NAV2: variants seen among roughly 807,000 people sequenced by gnomAD.
NAV2 encodes helicase, APC down-regulated 1.
NAV2 carries 54 observed loss-of-function variants against 223.2 expected under a neutral mutation model. That is an observed-to-expected ratio of 0.24 (90% CI 0.19 to 0.30). NAV2 has a LOEUF of 0.30. Ranked by LOEUF, NAV2 falls within the 10% of genes least tolerant of loss-of-function variation. NAV2 has a pLI of 1.00. For synonymous variants in NAV2, 1,279 were observed against 1,239.3 expected, an observed-to-expected ratio of 1.03 and a Z score of -0.67; for missense variants, 2,806 against 3,147.5, an observed-to-expected ratio of 0.89 and a Z score of 2.60.
chr11:19,910,719 G>A (rs777015770), intron 6 of NAV2, among the ~76,000 whole-genome samples: 9 of 152,112 alleles, frequency 5.9e-5, no homozygotes, highest in African/African-American at 9.7e-5. Context: ...TTAGCCAGGC[G>A]TGGTGGTATG....
chr11:19,482,824 G>T (rs1414631601), intron 1 of NAV2, among the ~76,000 whole-genome samples: 2 of 152,188 alleles, frequency 1.3e-5, no homozygotes, highest in Non-Finnish European at 2.9e-5. Context: ...ATCAATTTCA[G>T]CCTTTCCCTA....
At chr11:19,483,327 A>AT (rs1458823113) in intron 1 of NAV2, among the ~76,000 whole-genome samples, 7 of 152,078 alleles carry the variant, frequency 4.6e-5, no homozygotes, top group African/African-American at 9.7e-5. Flanking sequence ...TTCCCAGTGT[A>AT]TTTTTTCTGT....
intron 1 of NAV2, among the ~76,000 whole-genome samples, chr11:19,722,514 C>T (rs1432727223): frequency 5.3e-5 from 8 of 152,102 alleles, no homozygotes. Flanking sequence ...AGTGTATCTT[C>T]TATGTGTTCC....
intron 1 of NAV2, among the ~76,000 whole-genome samples, chr11:19,457,158 G>A (rs1851984822): frequency 6.6e-6 from 1 of 152,174 alleles, no homozygotes; most frequent in Non-Finnish European, 1.5e-5. Flanking sequence ...ACTCTAAATG[G>A]AGAAGAAAAA....
rs763267465 is a variant in NAV2, at chr11:20,045,057, A to G, written c.3289A>G (p.Ser1097Gly). 42 of 1,614,014 alleles carry G rather than the reference A, an allele frequency of 2.6e-5. No individual in the cohort carries two copies. In the Admixed American group the frequency reaches 5.7e-4, roughly 22 times the overall value. The change falls in exon 14 of 38, where the codon AGC (serine) becomes GGC (glycine). Residue 1097 changes from serine to glycine, a missense_variant. Around this residue, in one of 4 missense-constraint regions of NAV2, gnomAD observed 742 missense variants for 777.9 expected, o/e 0.95. Coordinates refer to ENST00000349880, the MANE Select transcript of NAV2 (RefSeq NM_145117.5). ...GCGCTCCCCATCAGATGCAGGCCGGAGCAGTGGTGACGAATCCAAAAAGCC... is the reference window on the plus strand; with the variant it reads ...GCGCTCCCCATCAGATGCAGGCCGGGGCAGTGGTGACGAATCCAAAAAGCC... Reference protein sequence around the residue: ...VKRSPSDAGRSSGDESKKPLP... With the variant: ...VKRSPSDAGRGSGDESKKPLP...
At chr11:19,957,836 G>A (rs566407816) in intron 10 of NAV2, among the ~76,000 whole-genome samples, 14 of 152,312 alleles carry the variant, frequency 9.2e-5, no homozygotes, top group African/African-American at 2.2e-4. Context: ...CAGCTTTGAC[G>A]TGGGCAGCCC....
intron 1 of NAV2, among the ~76,000 whole-genome samples, chr11:19,467,888 GA>G (rs1196138500): frequency 6.6e-6 from 1 of 152,244 alleles, no homozygotes; most frequent in African/African-American, 2.4e-5. Flanking sequence ...GGGCTGCAGA[GA>G]AAGGCATGAA....
chr11:19,678,930 G>A (rs1192144000), intron 1 of NAV2, among the ~76,000 whole-genome samples: 2 of 152,268 alleles, frequency 1.3e-5, no homozygotes, highest in Non-Finnish European at 1.5e-5. Context: ...GAGCTAAACC[G>A]ACCTCTCTCA....
rs572566757 is a variant in NAV2 at position 19,445,802 on chromosome 11, T to G, written c.75+94775T>G. Among the ~76,000 whole-genome samples the G allele has an allele frequency of 2.1e-3, 320 of 151,608 alleles. 1 individual carries two copies. Among genetic ancestry groups the G allele is most frequent in the African/African-American group, 7.5e-3 (308 of 41,234 alleles). On this transcript the variant is annotated intron_variant, in intron 1 of 37. Transcript: ENST00000360655. ...AGAGAGAAAGGGAGATGGAGGGAAG[T>G]TACATGTGCCAGGTACCATATTAGG...
At chr11:19,524,129 G>A (rs1326645217) in intron 1 of NAV2, among the ~76,000 whole-genome samples, 1 of 152,182 alleles carries the variant, frequency 6.6e-6, no homozygotes, top group East Asian at 1.9e-4. Flanking sequence ...GATCCCCTGA[G>A]GGTAGGGACC....
intron 1 of NAV2, among the ~76,000 whole-genome samples, chr11:19,402,885 CAT>C (rs1849746076): frequency 6.6e-6 from 1 of 152,102 alleles, no homozygotes; most frequent in African/African-American, 2.4e-5. Context: ...ACAGAAAGAA[CAT>C]AGAGATAAGA....
intron 1 of NAV2, among the ~76,000 whole-genome samples, chr11:19,830,219 T>A (rs2059858339): frequency 6.6e-6 from 1 of 152,182 alleles, no homozygotes; most frequent in Non-Finnish European, 1.5e-5. Flanking sequence ...AACGAGACTC[T>A]GTCTTGGGAA....
chr11:19,548,243 C>A (rs2044568379), intron 1 of NAV2, among the ~76,000 whole-genome samples: 1 of 152,110 alleles, frequency 6.6e-6, no homozygotes, highest in African/African-American at 2.4e-5. Flanking sequence ...AAAGCAAAAC[C>A]CTGAAACAGC....
chr11:19,515,644 G>T (rs1414038972), intron 1 of NAV2, among the ~76,000 whole-genome samples: 1 of 152,100 alleles, frequency 6.6e-6, no homozygotes, highest in Admixed American at 6.6e-5. Context: ...ACAACCCAGA[G>T]TACAAAAGCC....
At chr11:19,974,396 C>T (rs1172772954) in intron 10 of NAV2, among the ~76,000 whole-genome samples, 1 of 152,124 alleles carries the variant, frequency 6.6e-6, no homozygotes, top group East Asian at 1.9e-4. Flanking sequence ...ATCAGTAGAG[C>T]TGTAAGACAC....
intron 1 of NAV2, among the ~76,000 whole-genome samples, chr11:19,541,838 T>A (rs1184169592): frequency 6.6e-6 from 1 of 152,216 alleles, no homozygotes; most frequent in East Asian, 1.9e-4. Context: ...TGGCTCCATA[T>A]GGCAATGACT....
chr11:19,832,006 G>C (rs1469576669), intron 1 of NAV2, among the ~76,000 whole-genome samples: 1 of 152,204 alleles, frequency 6.6e-6, no homozygotes, highest in Non-Finnish European at 1.5e-5. Flanking sequence ...AGGGACCCAG[G>C]CTCCTGAGAA....
chr11:19,885,877 C>T (rs928355239), intron 5 of NAV2, among the ~76,000 whole-genome samples: 4 of 152,170 alleles, frequency 2.6e-5, no homozygotes, highest in Admixed American at 2.6e-4. Context: ...GTGTGTTAGC[C>T]TCTAGGTGCC....
intron 1 of NAV2, among the ~76,000 whole-genome samples, chr11:19,760,908 C>T (rs1266160428): frequency 6.6e-6 from 1 of 152,196 alleles, no homozygotes; most frequent in Non-Finnish European, 1.5e-5. Context: ...TCCTGGGATC[C>T]TATTGCCTTT....
Sources: gnomAD v4.1 joint callset for allele counts (sites outside exome capture counted in the v4.1 genomes callset) on GRCh38, gnomAD v4.1.1 for gene constraint, gnomAD v4.1.1 regional missense constraint, MANE v1.5 for transcripts, NCBI Gene and HGNC (gene_info 2026-07-23, HGNC 2026-07-21) for gene names.